Variants in OSBPL1A observed in about 807,000 individuals in gnomAD.
OSBPL1A encodes oxysterol binding protein like 1A.
OSBPL1A carries 80 observed loss-of-function variants against 137.1 expected under a neutral mutation model. That is an observed-to-expected ratio of 0.58 (90% confidence interval 0.49 to 0.70). The LOEUF is 0.70. Ranked by LOEUF, OSBPL1A falls within the 30% of genes least tolerant of loss-of-function variation. OSBPL1A has a pLI of 0.00. For synonymous variants in OSBPL1A, 365 were observed against 389.7 expected (o/e 0.94, Z 0.75); for missense variants, 970 against 1,129.4 (o/e 0.86, Z 2.02).
chr18:24,316,073 C>A (rs1179158945), intron 11 of OSBPL1A, among the ~76,000 whole-genome samples: 2 of 150,856 alleles, frequency 1.3e-5, no homozygotes, highest in African/African-American at 4.9e-5. Context: ...CCAGCCTAAC[C>A]AACATGGCAA....
At chr18:24,233,246 A>G (rs2088337795) in intron 16 of OSBPL1A, among the ~76,000 whole-genome samples, 2 of 152,166 alleles carry the variant, frequency 1.3e-5, no homozygotes, top group African/African-American at 2.4e-5. Flanking sequence ...AAAGTCATGT[A>G]CCTTTAGTTT....
intron 27 of OSBPL1A, 90 bp downstream of exon 27, chr18:24,164,975 T>C: frequency 7.5e-7 from 1 of 1,324,560 alleles, no homozygotes; most frequent in Non-Finnish European, 1.1e-6. Flanking sequence ...AGGCCCTTGC[T>C]CTGGGGTCAC....
intron 23 of OSBPL1A, 83 bp from the exon 24 acceptor site, chr18:24,170,536 T>A (rs768638175): frequency 6.5e-7 from 1 of 1,546,216 alleles, no homozygotes; most frequent in Non-Finnish European, 8.9e-7. Context: ...CCAGGCGGTC[T>A]CCCATCCGAG....
chr18:24,334,133 GTTCTTGGTTCCACAA>G, intron 6 of OSBPL1A, 97 bp downstream of exon 6: 1 of 766,168 alleles, frequency 1.3e-6, no homozygotes, highest in Non-Finnish European at 2.0e-6. Flanking sequence ...GATCTCTGGA[GTTCTTGGTTCCACAA>G]TTCAACTAAA....
At chr18:24,218,207 T>C (rs76918732) in intron 17 of OSBPL1A, 218 of 152,302 alleles carry the variant, frequency 1.4e-3, no homozygotes, top group African/African-American at 5.0e-3. Flanking sequence ...TAAGAAATTA[T>C]TATTATACAT....
At chr18:24,221,971 T>C (rs1016751390) in intron 17 of OSBPL1A, among the ~76,000 whole-genome samples, 1 of 152,216 alleles carries the variant, frequency 6.6e-6, no homozygotes, top group African/African-American at 2.4e-5. Context: ...CTCTAATAAC[T>C]TCTACAAGTT....
intron 14 of OSBPL1A, among the ~76,000 whole-genome samples, chr18:24,293,257 G>T (rs1187285138): frequency 6.6e-6 from 1 of 152,132 alleles, no homozygotes; most frequent in Non-Finnish European, 1.5e-5. Flanking sequence ...GCACAGAGGG[G>T]GAAAGGGGAG....
intron 24 of OSBPL1A, among the ~76,000 whole-genome samples, 153 bp from the exon 25 acceptor site, chr18:24,167,598 G>A (rs933923528): frequency 1.3e-5 from 2 of 152,176 alleles, no homozygotes; most frequent in African/African-American, 4.8e-5. Context: ...CTGCTATATG[G>A]CATTTGATAT....
At chr18:24,172,609 C>G (rs1291693412) in intron 21 of OSBPL1A, 126 bp from the exon 22 acceptor site, 2 of 589,024 alleles carry the variant, frequency 3.4e-6, no homozygotes, top group Non-Finnish European at 5.8e-6. Flanking sequence ...ACGTTCTAAG[C>G]CTTTAAAAAT....
At chr18:24,281,052 T>C (rs2089946886) in intron 14 of OSBPL1A, 104 bp from the exon 15 acceptor site, 7 of 656,196 alleles carry the variant, frequency 1.1e-5, no homozygotes, top group Non-Finnish European at 1.7e-5. Flanking sequence ...TCTTTCCATC[T>C]AGCTATCTTA....
chr18:24,290,072 A>G (rs2090148321), intron 14 of OSBPL1A, among the ~76,000 whole-genome samples: 2 of 152,026 alleles, frequency 1.3e-5, no homozygotes. Context: ...AAAAAAGGCT[A>G]TATGTGTTTG....
At chr18:24,330,485 CTTT>C (rs543591621) in intron 7 of OSBPL1A, among the ~76,000 whole-genome samples, 4 of 142,640 alleles carry the variant, frequency 2.8e-5, no homozygotes, top group Non-Finnish European at 1.5e-5. Flanking sequence ...AGAGATAAAA[CTTT>C]TTTTTTTTTT....
intron 2 of OSBPL1A, among the ~76,000 whole-genome samples, chr18:24,372,909 C>G (rs1277340922): frequency 6.6e-6 from 1 of 151,966 alleles, no homozygotes; most frequent in Non-Finnish European, 1.5e-5. Context: ...ACTAAAAATA[C>G]AAAAATTAGC....
At chr18:24,170,182 A>G (rs2086240856) in intron 24 of OSBPL1A, 145 bp downstream of exon 24, 1 of 954,822 alleles carries the variant, frequency 1.0e-6, no homozygotes, top group African/African-American at 1.6e-5. Context: ...CAAATGTCTG[A>G]TCATTAAAAA....
chr18:24,188,121 G>T (rs1486186220), intron 18 of OSBPL1A, among the ~76,000 whole-genome samples: 3 of 152,226 alleles, frequency 2.0e-5, no homozygotes, highest in Admixed American at 2.0e-4. Flanking sequence ...ACTCATTGAG[G>T]AAGGAATAGA....
At chr18:24,310,078 T>C (rs1426982247) in intron 13 of OSBPL1A, among the ~76,000 whole-genome samples, 1 of 146,540 alleles carries the variant, frequency 6.8e-6, no homozygotes, top group Admixed American at 6.8e-5. Context: ...AAAAAAAAGA[T>C]TTACAGAATT....
intron 17 of OSBPL1A, among the ~76,000 whole-genome samples, chr18:24,222,900 G>T (rs1295841730): frequency 6.6e-6 from 1 of 151,956 alleles, no homozygotes; most frequent in Non-Finnish European, 1.5e-5. Flanking sequence ...GGTGGTATGG[G>T]GTGAGGGAGA....
In OSBPL1A at chr18:24,333,077, G is replaced by A. The variant is rs751484109; in HGVS notation, c.490C>T (p.Pro164Ser). 1 of 1,612,618 alleles carries A rather than the reference G, an allele frequency of 6.2e-7. No individual in the cohort carries two copies. The highest frequency in any genetic ancestry group is 1.3e-5 in the African/African-American group (1 of 74,852). Residue 164 changes from proline to serine, a missense_variant, in exon 7 of 28, where the codon CCC becomes TCC. By Grantham distance (74) the Pro-to-Ser change is moderately conservative (BLOSUM62 -1). Transcript: ENST00000319481. ...TTELTALLNR[P>S]NPPDVNCSDQ... ...GAACAGTTAACATCAGGAGGATTGGGCCTGTTGAGCTAACAATTAAAAAAA... is the reference window on the plus strand; with the variant it reads ...GAACAGTTAACATCAGGAGGATTGGACCTGTTGAGCTAACAATTAAAAAAA...
At chr18:24,179,530 A>G (rs539382841) in intron 20 of OSBPL1A, among the ~76,000 whole-genome samples, 1 of 152,134 alleles carries the variant, frequency 6.6e-6, no homozygotes, top group Non-Finnish European at 1.5e-5. Context: ...GAATACAAAA[A>G]TCTTTGCAAT....
Sources: gnomAD v4.1 joint callset for allele counts (sites outside exome capture counted in the v4.1 genomes callset) on GRCh38, gnomAD v4.1.1 for gene constraint, MANE v1.5 for transcripts, NCBI Gene and HGNC (gene_info 2026-07-23, HGNC 2026-07-21) for gene names.